MAT2A: variants seen among roughly 807,000 people sequenced by gnomAD.
The protein encoded by MAT2A is methionine adenosyltransferase 2A.
MAT2A carries 3 observed loss-of-function variants against 43.9 expected under a neutral mutation model. The ratio of observed to expected loss-of-function variants is 0.07; its 90% CI spans 0.03 to 0.18. The LOEUF is 0.18. MAT2A is among the 10% of genes least tolerant of loss of function. The pLI is 1.00. For synonymous variants in MAT2A, 200 were observed against 168.4 expected, an observed-to-expected ratio of 1.19 and a Z score of -1.45; for missense variants, 204 against 489.0, an observed-to-expected ratio of 0.42 and a Z score of 5.50.
Position 85,539,178 on chromosome 2 carries a change from C to G in MAT2A, c.-110C>G. 1.3e-6 allele frequency: 1 copy of G among 785,626 alleles called. No individual in the cohort carries two copies. The highest frequency in any genetic ancestry group is 2.1e-6 in the Non-Finnish European group (1 of 485,946). The allele number at this position is 785,626 out of a possible 1,614,324, so 48.7% of individuals were successfully genotyped here. A position where few individuals can be genotyped will look rare whatever the true frequency, so the allele number is the denominator to read the frequency against. Reference sequence around the variant, plus strand: ...ACCGCCCGCTGCTTCGTTCGCTCCGCGCCGCCCGCCTGCTACGAGTAGAAC... The same window carrying G: ...ACCGCCCGCTGCTTCGTTCGCTCCGGGCCGCCCGCCTGCTACGAGTAGAAC... On this transcript the variant is annotated 5_prime_UTR_variant, in exon 1 of 9. Transcript: ENST00000306434.
rs1691596997 is a variant in MAT2A, at chr2:85,545,177, A to G, written c.*1405A>G. 1 of 152,648 alleles carries G rather than the reference A, an allele frequency of 6.6e-6. No homozygotes were observed. The highest frequency in any genetic ancestry group is 2.4e-5 in the African/African-American group (1 of 41,456). 9.5% of individuals were successfully genotyped at this position (152,648 alleles called of 1,614,324 possible). On this transcript the variant is annotated 3_prime_UTR_variant, in exon 9 of 9. Coordinates refer to ENST00000306434, the MANE Select transcript of MAT2A (RefSeq NM_005911.6). ...TTCCATGACTGCTTGCCCTAAGCAG[A>G]AAGTGCCTTTCAGGATCTATTTTTG...
At chr2:85,541,399 C>T (rs1302330692) in intron 3 of MAT2A, 22 bp downstream of exon 3, 7 of 1,604,788 alleles carry the variant, frequency 4.4e-6, no homozygotes, top group South Asian at 1.1e-5. Flanking sequence ...TGATTTTGCT[C>T]ATTTTTTTCT....
rs1170686756 is a variant in MAT2A, at chr2:85,539,362, C to T, written c.75C>T (p.Val25=). Residue 25 remains valine (V), a synonymous_variant, in exon 1 of 9, where the codon GTC becomes GTT. Transcript: ENST00000306434. ...CATTCCTTTTCACCTCAGAGTCGGT[C>T]GGGGAAGGCCACCCAGGTGAGGGGA... ...EGTFLFTSES[V]GEGHPDKICD... The T allele has an allele frequency of 1.2e-6, 2 of 1,602,898 alleles. No homozygotes were observed. Among genetic ancestry groups the T allele is most frequent in the Middle Eastern group, 1.7e-4 (1 of 6,020 alleles).
intron 7 of MAT2A, 35 bp from the exon 8 acceptor site, chr2:85,542,866 A>G: frequency 6.2e-7 from 1 of 1,601,716 alleles, no homozygotes; most frequent in East Asian, 2.2e-5. Flanking sequence ...GGGTCTTTGC[A>G]ATCACTGATT....
chr2:85,540,537 A>G (rs1186748649), intron 1 of MAT2A, among the ~76,000 whole-genome samples: 4 of 152,234 alleles, frequency 2.6e-5, no homozygotes, highest in Non-Finnish European at 5.9e-5. Flanking sequence ...AACTTGAATT[A>G]GGGAGATATT....
chr2:85,540,907 A>C (rs567422803), intron 1 of MAT2A, among the ~76,000 whole-genome samples, 176 bp from the exon 2 acceptor site: 1 of 152,238 alleles, frequency 6.6e-6, no homozygotes, highest in Non-Finnish European at 1.5e-5. Flanking sequence ...TTAGATTTAT[A>C]ATGCAAACTT....
chr2:85,542,785 G>GT (rs1691508753), intron 7 of MAT2A, 38 bp downstream of exon 7: 1 of 1,565,792 alleles, frequency 6.4e-7, no homozygotes, highest in South Asian at 1.1e-5. Context: ...TAAAAGTCAT[G>GT]TAAGTGGGAG....
In MAT2A at chr2:85,542,203, G is replaced by A; in HGVS notation, c.598G>A (p.Val200Ile). Residue 200 changes from valine to isoleucine, a missense_variant, in exon 6 of 9, where the codon GTC (valine) becomes ATC (isoleucine). Val to Ile is a conservative substitution (Grantham distance 29). Transcript: ENST00000306434. ...QDRGAVLPIRVHTIVISVQHD... is the reference protein window; with the variant it reads ...QDRGAVLPIRIHTIVISVQHD... ...TCGAGGTGCTGTGCTTCCCATCAGAGTCCACACAATTGTTATATCTGTTCA... is the reference window on the plus strand; with the variant it reads ...TCGAGGTGCTGTGCTTCCCATCAGAATCCACACAATTGTTATATCTGTTCA... The A allele has an allele frequency of 6.2e-7, 1 of 1,614,146 alleles. No individual in the cohort carries two copies. Among genetic ancestry groups the A allele is most frequent in the Non-Finnish European group, 8.5e-7 (1 of 1,180,026 alleles).
chr2:85,541,077 T>C lies in MAT2A; in HGVS notation c.92-6T>C, dbSNP rs1273216076. 1.9e-6 allele frequency: 3 copies of C among 1,605,836 alleles called. No individual in the cohort carries two copies. The highest frequency in any genetic ancestry group is 1.3e-5 in the African/African-American group (1 of 74,712). ...AGAAACTGAGCCAGGAATTTCTCTT[T>C]TCCAGATAAGATTTGTGACCAAATC... On this transcript the variant is annotated splice_polypyrimidine_tract_variant and splice_region_variant and intron_variant, in intron 1 of 8. Coordinates refer to ENST00000306434, the MANE Select transcript of MAT2A (RefSeq NM_005911.6).
In MAT2A at chr2:85,544,571, A is replaced by C. The variant is rs1691566690; in HGVS notation, c.*799A>C. 1 of 152,640 alleles carries C rather than the reference A, an allele frequency of 6.6e-6. No individual in the cohort carries two copies. The highest frequency in any genetic ancestry group is 6.5e-5 in the Admixed American group (1 of 15,286). The allele number at this position is 152,640 out of a possible 1,614,324, so 9.5% of individuals were successfully genotyped here. A position where few individuals can be genotyped will look rare whatever the true frequency, so the allele number is the denominator to read the frequency against. ...CTCACCAACTCCTAGTTCTAGAAAAACAGGCACTTGGCAGCCTTGTGATGT... is the reference window on the plus strand; with the variant it reads ...CTCACCAACTCCTAGTTCTAGAAAACCAGGCACTTGGCAGCCTTGTGATGT... On this transcript the variant is annotated 3_prime_UTR_variant, in exon 9 of 9. Coordinates refer to ENST00000306434, the MANE Select transcript of MAT2A (RefSeq NM_005911.6).
chr2:85,542,757 C>A lies in MAT2A; in HGVS notation c.951+10C>A. On this transcript the variant is annotated intron_variant, in intron 7 of 8. Transcript: ENST00000306434. ...GAGGGTTCTTGTTCAGGTATACACT[C>A]TTTATATAACGAACGATTAAAAGTC... 1 of 1,591,970 alleles carries A rather than the reference C, an allele frequency of 6.3e-7. No homozygotes were observed. Among genetic ancestry groups the A allele is most frequent in the East Asian group, 2.2e-5 (1 of 44,596 alleles).
At chr2:85,539,543 G>T (rs1451161110) in intron 1 of MAT2A, 165 bp downstream of exon 1, 4 of 496,848 alleles carry the variant, frequency 8.1e-6, no homozygotes, top group Non-Finnish European at 1.4e-5. Flanking sequence ...CCAGGGCCTG[G>T]CGCGTGGCCG....
chr2:85,540,019 A>G (rs913538133), intron 1 of MAT2A: 1 of 152,436 alleles, frequency 6.6e-6, no homozygotes, highest in East Asian at 1.9e-4. Context: ...CTCTGACTAA[A>G]TATAGCTCAT....
rs773854677 is a variant in MAT2A, at chr2:85,542,255, A to T, written c.650A>T (p.Glu217Val). The change falls in exon 6 of 9, where the codon GAA becomes GTA. Residue 217 changes from glutamate (E) to valine (V), a missense_variant. Physicochemically the swap from Glu to Val is moderately radical, Grantham distance 121. Coordinates refer to ENST00000306434, the MANE Select transcript of MAT2A (RefSeq NM_005911.6). Reference sequence around the variant, plus strand: ...CATGATGAAGAGGTTTGTCTTGATGAAATGAGGGATGCCCTAAAGGAGAAA... The same window carrying T: ...CATGATGAAGAGGTTTGTCTTGATGTAATGAGGGATGCCCTAAAGGAGAAA... ...VQHDEEVCLD[E>V]MRDALKEKVI... The T allele has an allele frequency of 6.2e-7, 1 of 1,614,200 alleles. No individual in the cohort carries two copies. The highest frequency in any genetic ancestry group is 8.5e-7 in the Non-Finnish European group (1 of 1,180,016).
chr2:85,540,668 A>T (rs1278141062), intron 1 of MAT2A, among the ~76,000 whole-genome samples: 1 of 152,232 alleles, frequency 6.6e-6, no homozygotes, highest in African/African-American at 2.4e-5. Flanking sequence ...AAATCAGATA[A>T]TTGCCATTTT....
chr2:85,541,515 A>G, intron 3 of MAT2A, 118 bp from the exon 4 acceptor site: 1 of 1,314,158 alleles, frequency 7.6e-7, no homozygotes, highest in Non-Finnish European at 1.1e-6. Context: ...CATTCTCTAA[A>G]AGGTCCGATG....
In MAT2A at chr2:85,542,236, G is replaced by A. The variant is rs1231258864; in HGVS notation, c.631G>A (p.Glu211Lys). 2 of 1,614,084 alleles carry A rather than the reference G, an allele frequency of 1.2e-6. No individual in the cohort carries two copies. Among genetic ancestry groups the A allele is most frequent in the Non-Finnish European group, 1.7e-6 (2 of 1,180,044 alleles). The change falls in exon 6 of 9, where the codon GAA becomes AAA. Residue 211 changes from glutamate (E) to lysine (K), a missense_variant. Physicochemically the swap from Glu to Lys is moderately conservative, Grantham distance 56. Around this residue, in one of 6 missense-constraint regions of MAT2A, gnomAD observed 103 missense variants for 226.4 expected, o/e 0.45. Transcript: ENST00000306434. ...AATTGTTATATCTGTTCAGCATGAT[G>A]AAGAGGTTTGTCTTGATGAAATGAG... The part of the protein sequence containing the change: ...HTIVISVQHD[E>K]EVCLDEMRDA...
rs1691469794 is a variant in MAT2A, at chr2:85,541,244, C to T, written c.170-11C>T. 1.9e-6 allele frequency: 3 copies of T among 1,613,412 alleles called. No individual in the cohort carries two copies. The highest frequency in any genetic ancestry group is 1.6e-4 in the Middle Eastern group (1 of 6,084). ...GAAGTGATGTTTGAGTTGAATGTCT[C>T]TTTTTATTAGAAACTGTTGCTAAAA... On this transcript the variant is annotated splice_polypyrimidine_tract_variant and intron_variant, in intron 2 of 8. Coordinates refer to ENST00000306434, the MANE Select transcript of MAT2A (RefSeq NM_005911.6).
rs1691517066 is a variant in MAT2A, at chr2:85,542,991, A to T, written c.1042A>T (p.Ile348Phe). 6.2e-7 allele frequency: 1 copy of T among 1,613,344 alleles called. No individual in the cohort carries two copies. The highest frequency in any genetic ancestry group is 1.3e-5 in the African/African-American group (1 of 74,856). ...SQKSERELLE[I>F]VKKNFDLRPG... ...GAAGAGTGAGAGAGAGCTATTAGAGATTGTGAAGAAGAATTTCGATCTCCG... is the reference window on the plus strand; with the variant it reads ...GAAGAGTGAGAGAGAGCTATTAGAGTTTGTGAAGAAGAATTTCGATCTCCG... The change falls in exon 8 of 9, where the codon ATT (isoleucine) becomes TTT (phenylalanine). Residue 348 changes from isoleucine to phenylalanine, a missense_variant. Ile to Phe is a conservative substitution (Grantham distance 21). Transcript: ENST00000306434.
Sources: gnomAD v4.1 joint callset for allele counts (sites outside exome capture counted in the v4.1 genomes callset) on GRCh38, gnomAD v4.1.1 for gene constraint, gnomAD v4.1.1 regional missense constraint, MANE v1.5 for transcripts, NCBI Gene and HGNC (gene_info 2026-07-23, HGNC 2026-07-21) for gene names.